The following ULBP1 variants were observed in gnomAD, a reference collection of about 807,000 sequenced individuals.
The protein encoded by ULBP1 is UL16 binding protein 1.
Under a neutral mutation model 25.3 loss-of-function variants are expected in ULBP1, and 28 were observed. The ratio of observed to expected loss-of-function variants is 1.10; its 90% CI spans 0.82 to 1.51. The LOEUF (loss-of-function observed/expected upper bound fraction) is 1.51, where lower values mean the gene tolerates loss of function less well. Among genes scored for constraint, ULBP1 ranks in the 40% most tolerant of loss-of-function variants. The pLI, the probability that ULBP1 is intolerant of heterozygous loss-of-function variation, is 0.00. For synonymous variants in ULBP1, 129 were observed against 103.0 expected (o/e 1.25, Z -1.53); for missense variants, 348 against 290.9 (o/e 1.20, Z -1.43).
rs754028619 is a variant in ULBP1 at position 149,969,374 on chromosome 6, G to GGATA, written c.625+15_625+18dup. On this transcript the variant is annotated intron_variant, in intron 3 of 4. Transcript: ENST00000229708. Reference sequence around the variant, plus strand: ...TGGATCCAACAAGTAAGTGAGAGGGGGATAAATGGAAGCTGTCTCGAGTTC... The same window carrying GGATA: ...TGGATCCAACAAGTAAGTGAGAGGGGGATAGATAAATGGAAGCTGTCTCGAGTTC... 18 of 1,609,538 alleles carry GGATA rather than the reference G, an allele frequency of 1.1e-5. No homozygotes were observed. Among genetic ancestry groups the GGATA allele is most frequent in the Middle Eastern group, 1.6e-4 (1 of 6,070 alleles).
chr6:149,966,060 G>T (rs569598946), intron 1 of ULBP1, among the ~76,000 whole-genome samples: 2 of 152,098 alleles, frequency 1.3e-5, no homozygotes, highest in Non-Finnish European at 2.9e-5. Context: ...TCCCAGACCC[G>T]CCTGTTCTTC....
At position 149,967,493 on chromosome 6, in the gene ULBP1, A is replaced by T. The variant is rs541030626; in HGVS notation, c.86-1114A>T. Among the ~76,000 whole-genome samples, 5 of 152,310 alleles carry T rather than the reference A, an allele frequency of 3.3e-5. No individual in the cohort carries two copies. In the South Asian group the frequency reaches 1.0e-3, roughly 32 times the overall value. On this transcript the variant is annotated intron_variant, in intron 1 of 4. Transcript: ENST00000229708. ...TTCTCAAAGCTGGGCAAAGGAGCTC[A>T]GTTATTTCCTAGGGTGACTCCTTTC...
intron 2 of ULBP1, 29 bp from the exon 3 acceptor site, chr6:149,969,056 T>A (rs1210925416): frequency 6.2e-7 from 1 of 1,610,328 alleles, no homozygotes; most frequent in East Asian, 2.2e-5. Flanking sequence ...TTTGTCAAGA[T>A]CAGAGCTGAT....
intron 4 of ULBP1, among the ~76,000 whole-genome samples, chr6:149,970,995 G>C (rs1309398926): frequency 1.3e-5 from 2 of 152,226 alleles, no homozygotes; most frequent in Non-Finnish European, 2.9e-5. Flanking sequence ...AAAAGAAGGT[G>C]GTTTGTCTAC....
intron 1 of ULBP1, among the ~76,000 whole-genome samples, chr6:149,964,422 C>T (rs979508562): frequency 6.6e-5 from 10 of 150,812 alleles, no homozygotes; most frequent in African/African-American, 2.4e-4. Flanking sequence ...TGGCTCCTTT[C>T]CGCCGGGTCC....
intron 1 of ULBP1, among the ~76,000 whole-genome samples, chr6:149,965,411 A>AG (rs34691057): frequency 6.6e-6 from 1 of 152,300 alleles, no homozygotes; most frequent in South Asian, 2.1e-4. Flanking sequence ...ACCGCAGTCC[A>AG]GGGGGAGTGT....
intron 4 of ULBP1, among the ~76,000 whole-genome samples, chr6:149,970,385 T>C (rs1779293397): frequency 6.6e-6 from 1 of 152,208 alleles, no homozygotes; most frequent in Non-Finnish European, 1.5e-5. Context: ...GCTCAAGGCC[T>C]GTTGAGCTTG....
At chr6:149,966,311 C>A (rs931402185) in intron 1 of ULBP1, among the ~76,000 whole-genome samples, 1 of 152,052 alleles carries the variant, frequency 6.6e-6, no homozygotes, top group East Asian at 1.9e-4. Context: ...ATGCTGTGTC[C>A]TGGCAATTGC....
Position 149,970,036 on chromosome 6 carries a change from G to A in ULBP1, c.646G>A (p.Gly216Ser). 6.2e-7 allele frequency: 1 copy of A among 1,613,112 alleles called. No homozygotes were observed. The highest frequency in any genetic ancestry group is 8.5e-7 in the Non-Finnish European group (1 of 1,179,618). Reference sequence around the variant, plus strand: ...TTCAGAACCACCCTCTCTGGCCCCAGGCACAACCCAACCCAAGGCCATGGC... The same window carrying A: ...TTCAGAACCACCCTCTCTGGCCCCAAGCACAACCCAACCCAAGGCCATGGC... ...DPTKPPSLAP[G>S]TTQPKAMATT... The change falls in exon 4 of 5, where the codon GGC (glycine) becomes AGC (serine). Residue 216 changes from glycine to serine, a missense_variant. Gly to Ser is a moderately conservative substitution (Grantham distance 56, BLOSUM62 0). Coordinates refer to ENST00000229708, the MANE Select transcript of ULBP1 (RefSeq NM_025218.4).
chr6:149,973,492 A>G lies in ULBP1; in HGVS notation c.*2146A>G, dbSNP rs1210693525. The G allele has an allele frequency of 6.6e-6, 1 of 152,236 alleles. No individual in the cohort carries two copies. The highest frequency in any genetic ancestry group is 1.5e-5 in the Non-Finnish European group (1 of 68,046). The allele number at this position is 152,236 out of a possible 1,614,324, so 9.4% of individuals were successfully genotyped here. A position where few individuals can be genotyped will look rare whatever the true frequency, so the allele number is the denominator to read the frequency against. ...TTGAAATTAAAGATGAATAAATAAAATAAAATGACACAAGGCCAAAAACAA... is the reference window on the plus strand; with the variant it reads ...TTGAAATTAAAGATGAATAAATAAAGTAAAATGACACAAGGCCAAAAACAA... On this transcript the variant is annotated 3_prime_UTR_variant, in exon 5 of 5. Coordinates refer to ENST00000229708, the MANE Select transcript of ULBP1 (RefSeq NM_025218.4).
rs1007029019 is a variant in ULBP1, at chr6:149,972,202, A to T, written c.*856A>T. 1 of 152,180 alleles carries T rather than the reference A, an allele frequency of 6.6e-6. No homozygotes were observed. Among genetic ancestry groups the T allele is most frequent in the African/African-American group, 2.4e-5 (1 of 41,442 alleles). 9.4% of individuals were successfully genotyped at this position (152,180 alleles called of 1,614,324 possible). The stretch of plus-strand genomic sequence containing the variant: ...TAAATAAAATAATAGAGAGCCCAGA[A>T]ATCAACCTGCACACCTACCGCCATC... On this transcript the variant is annotated 3_prime_UTR_variant, in exon 5 of 5. Coordinates refer to ENST00000229708, the MANE Select transcript of ULBP1 (RefSeq NM_025218.4).
In ULBP1 at chr6:149,969,375, G is replaced by T. The variant is rs764245499; in HGVS notation, c.625+15G>T. 9.9e-6 allele frequency: 16 copies of T among 1,609,624 alleles called. No homozygotes were observed. Among genetic ancestry groups the T allele is most frequent in the Non-Finnish European group, 1.2e-5 (14 of 1,176,824 alleles). ...GGATCCAACAAGTAAGTGAGAGGGG[G>T]ATAAATGGAAGCTGTCTCGAGTTCA... On this transcript the variant is annotated intron_variant, in intron 3 of 4. Coordinates refer to ENST00000229708, the MANE Select transcript of ULBP1 (RefSeq NM_025218.4).
intron 4 of ULBP1, among the ~76,000 whole-genome samples, chr6:149,970,378 C>G (rs1331662265): frequency 6.6e-6 from 1 of 152,228 alleles, no homozygotes; most frequent in Non-Finnish European, 1.5e-5. Context: ...TACCAAGGCT[C>G]AAGGCCTGTT....
At chr6:149,964,694 G>A (rs570929927) in intron 1 of ULBP1, among the ~76,000 whole-genome samples, 21 of 146,548 alleles carry the variant, frequency 1.4e-4, no homozygotes, top group Non-Finnish European at 2.1e-4. Context: ...CCTTTCCGCC[G>A]GGTCTGATTC....
chr6:149,970,289 T>G (rs916421522), intron 4 of ULBP1, 142 bp downstream of exon 4: 1 of 1,230,720 alleles, frequency 8.1e-7, no homozygotes, highest in Non-Finnish European at 1.1e-6. Context: ...TGTCACCTGT[T>G]GGCAATGACC....
rs1779349677 is a variant in ULBP1 at position 149,973,231 on chromosome 6, A to G, written c.*1885A>G. On this transcript the variant is annotated 3_prime_UTR_variant, in exon 5 of 5. Coordinates refer to ENST00000229708, the MANE Select transcript of ULBP1 (RefSeq NM_025218.4). ...CCTAAGCAACCTAATGCAAGAACAG[A>G]AAACCACATACTGCATCTTCCCATT... 6.6e-6 allele frequency: 1 copy of G among 152,252 alleles called. No individual in the cohort carries two copies. The highest frequency in any genetic ancestry group is 1.5e-5 in the Non-Finnish European group (1 of 68,050). 9.4% of individuals were successfully genotyped at this position (152,252 alleles called of 1,614,324 possible).
In ULBP1 at chr6:149,969,996, C is replaced by T. The variant is rs907784637; in HGVS notation, c.626-20C>T. The T allele has an allele frequency of 1.9e-6, 3 of 1,601,016 alleles. No individual in the cohort carries two copies. The highest frequency in any genetic ancestry group is 1.1e-5 in the South Asian group (1 of 88,654). On this transcript the variant is annotated intron_variant, in intron 3 of 4. Transcript: ENST00000229708. ...TTTTGAGCCTGGACAAGGGTTGTCACTCCTGTGTTTCCATTTCAGAACCAC... is the reference window on the plus strand; with the variant it reads ...TTTTGAGCCTGGACAAGGGTTGTCATTCCTGTGTTTCCATTTCAGAACCAC...
chr6:149,973,436 A>C lies in ULBP1; in HGVS notation c.*2090A>C, dbSNP rs1779354237. On this transcript the variant is annotated 3_prime_UTR_variant, in exon 5 of 5. Transcript: ENST00000229708. ...GCTTCTCAAATTCTACCCATGTAAC[A>C]AACCTGTATATGTACCTTGTATTAT... is the stretch of plus-strand genomic sequence containing the variant. 1 of 152,218 alleles carries C rather than the reference A, an allele frequency of 6.6e-6. No homozygotes were observed. Among genetic ancestry groups the C allele is most frequent in the Admixed American group, 6.5e-5 (1 of 15,286 alleles). 9.4% of individuals were successfully genotyped at this position (152,218 alleles called of 1,614,324 possible). A position where few individuals can be genotyped will look rare whatever the true frequency, so the allele number is the denominator to read the frequency against.
chr6:149,972,231 T>A lies in ULBP1; in HGVS notation c.*885T>A, dbSNP rs1396743284. ...AACCTGCACACCTACCGCCATCTAA[T>A]CTTCAATAGAAATGGGCAATGTGGG... On this transcript the variant is annotated 3_prime_UTR_variant, in exon 5 of 5. Transcript: ENST00000229708. 1 of 152,184 alleles carries A rather than the reference T, an allele frequency of 6.6e-6. No homozygotes were observed. The highest frequency in any genetic ancestry group is 1.5e-5 in the Non-Finnish European group (1 of 68,038). The allele number at this position is 152,184 out of a possible 1,614,324, so 9.4% of individuals were successfully genotyped here.
Sources: gnomAD v4.1 joint callset for allele counts (sites outside exome capture counted in the v4.1 genomes callset) on GRCh38, gnomAD v4.1.1 for gene constraint, MANE v1.5 for transcripts, NCBI Gene and HGNC (gene_info 2026-07-23, HGNC 2026-07-21) for gene names.